The following UNC5C variants were observed in gnomAD, a reference collection of about 807,000 sequenced individuals.
UNC5C encodes the protein netrin receptor UNC5C.
Under a neutral mutation model 99.8 loss-of-function variants are expected in UNC5C, and 47 were observed. That is an observed-to-expected ratio of 0.47 (90% CI 0.37 to 0.60). The LOEUF (loss-of-function observed/expected upper bound fraction) is 0.60, where lower values mean the gene tolerates loss of function less well. Ranked by LOEUF, UNC5C falls within the 20% of genes least tolerant of loss-of-function variation. The probability of loss-of-function intolerance (pLI) is 0.00; values close to 1 mark genes in which losing one functional copy is unlikely to be tolerated. For synonymous variants in UNC5C, 487 were observed against 452.2 expected, an observed-to-expected ratio of 1.08 and a Z score of -0.98; for missense variants, 1,062 against 1,165.9, an observed-to-expected ratio of 0.91 and a Z score of 1.30.
At chr4:95,456,209 A>C (rs1747423246) in intron 1 of UNC5C, among the ~76,000 whole-genome samples, 1 of 152,138 alleles carries the variant, frequency 6.6e-6, no homozygotes, top group Admixed American at 6.6e-5. Flanking sequence ...CCGACTAAGA[A>C]AGTAAAATAA....
At chr4:95,271,384 C>A (rs1172401312) in intron 4 of UNC5C, among the ~76,000 whole-genome samples, 1 of 149,604 alleles carries the variant, frequency 6.7e-6, no homozygotes, top group East Asian at 1.9e-4. Context: ...CCCGCCACCA[C>A]GCCCGGCTAA....
intron 1 of UNC5C, among the ~76,000 whole-genome samples, chr4:95,458,941 G>A (rs1315925814): frequency 2.6e-5 from 4 of 151,920 alleles, no homozygotes; most frequent in African/African-American, 9.7e-5. Flanking sequence ...ATGAAGTATA[G>A]AATTATAATT....
intron 1 of UNC5C, among the ~76,000 whole-genome samples, chr4:95,470,712 C>T (rs1456910308): frequency 6.6e-6 from 1 of 152,024 alleles, no homozygotes. Flanking sequence ...ACTTAACAAG[C>T]ATTTATAACT....
chr4:95,305,472 T>C (rs1165066978), intron 2 of UNC5C, among the ~76,000 whole-genome samples: 2 of 152,174 alleles, frequency 1.3e-5, no homozygotes, highest in African/African-American at 2.4e-5. Context: ...GAATTTGAAA[T>C]GCCATCAGCA....
At chr4:95,265,026 A>G (rs1269461986) in intron 4 of UNC5C, among the ~76,000 whole-genome samples, 1 of 152,158 alleles carries the variant, frequency 6.6e-6, no homozygotes, top group East Asian at 1.9e-4. Context: ...GGAGCGCTTA[A>G]GCCATCCTGA....
chr4:95,373,303 C>T (rs999944923), intron 1 of UNC5C, among the ~76,000 whole-genome samples: 2 of 152,188 alleles, frequency 1.3e-5, no homozygotes, highest in African/African-American at 4.8e-5. Context: ...TGACCCTCTT[C>T]TTATTCTATT....
chr4:95,489,492 G>A (rs979903237), intron 1 of UNC5C, among the ~76,000 whole-genome samples: 1 of 151,700 alleles, frequency 6.6e-6, no homozygotes, highest in Non-Finnish European at 1.5e-5. Context: ...ATGGTAGAAA[G>A]TCACTGACCT....
At chr4:95,352,975 G>A (rs1230848990) in intron 1 of UNC5C, among the ~76,000 whole-genome samples, 1 of 152,068 alleles carries the variant, frequency 6.6e-6, no homozygotes. Flanking sequence ...ATGGCCCAAA[G>A]CTTATTTAAT....
At chr4:95,520,621 C>T (rs1362509866) in intron 1 of UNC5C, among the ~76,000 whole-genome samples, 5 of 132,180 alleles carry the variant, frequency 3.8e-5, no homozygotes, top group Admixed American at 8.2e-5. Context: ...TTTTTTGAGA[C>T]GGAGTCTCCC....
intron 1 of UNC5C, among the ~76,000 whole-genome samples, chr4:95,538,448 A>G (rs1048175090): frequency 6.6e-6 from 1 of 152,216 alleles, no homozygotes; most frequent in Non-Finnish European, 1.5e-5. Context: ...GTCCGCTGTT[A>G]TCTTTAAGAC....
intron 4 of UNC5C, among the ~76,000 whole-genome samples, chr4:95,254,524 A>G (rs182561064): frequency 6.6e-6 from 1 of 152,324 alleles, no homozygotes; most frequent in Admixed American, 6.5e-5. Context: ...GAGAAATACC[A>G]GTCTAGATCA....
At chr4:95,520,165 A>G (rs1578206418) in intron 1 of UNC5C, among the ~76,000 whole-genome samples, 2 of 152,218 alleles carry the variant, frequency 1.3e-5, no homozygotes, top group Admixed American at 1.3e-4. Context: ...CTAGGAAGAG[A>G]TCTCTAGATC....
intron 1 of UNC5C, among the ~76,000 whole-genome samples, chr4:95,424,713 C>T (rs947130161): frequency 3.3e-5 from 5 of 151,420 alleles, no homozygotes; most frequent in Non-Finnish European, 4.4e-5. Flanking sequence ...TTAGTAGAGA[C>T]CAGGTTTCAC....
intron 4 of UNC5C, 131 bp downstream of exon 4, chr4:95,278,128 G>T: frequency 2.8e-6 from 2 of 710,148 alleles, no homozygotes; most frequent in Non-Finnish European, 4.7e-6. Flanking sequence ...GCCAGCAGCA[G>T]GCAGTTAGGA....
chr4:95,180,414 A>G (rs1313890672), intron 14 of UNC5C, among the ~76,000 whole-genome samples: 1 of 152,232 alleles, frequency 6.6e-6, no homozygotes, highest in Non-Finnish European at 1.5e-5. Context: ...CTCTCTCTGC[A>G]CTTGTCTATG....
At position 95,301,685 on chromosome 4, in the gene UNC5C, A is replaced by C. The variant is rs139710821; in HGVS notation, c.411T>G (p.Pro137=). Residue 137 remains proline (P), a synonymous_variant, in exon 3 of 16, where the codon CCT becomes CCG. Coordinates refer to ENST00000453304, the MANE Select transcript of UNC5C (RefSeq NM_003728.4). The part of the protein sequence containing the change: ...SRQQVEELFG[P]EDYWCQCVAW... ...CCACACACTGGCACCAGTAATCTTC[A>C]GGTCCAAAGAGTTCTTCCACTTGCT... is the stretch of plus-strand genomic sequence containing the variant. The C allele has an allele frequency of 9.5e-5, 154 of 1,613,542 alleles. No homozygotes were observed. The highest frequency in any genetic ancestry group is 1.3e-4 in the Non-Finnish European group (149 of 1,180,040).
At chr4:95,336,722 T>G (rs1743363944) in intron 1 of UNC5C, among the ~76,000 whole-genome samples, 1 of 151,916 alleles carries the variant, frequency 6.6e-6, no homozygotes, top group Non-Finnish European at 1.5e-5. Context: ...CAGTAAAAAT[T>G]GACTTCACTT....
At chr4:95,440,163 G>A (rs1560833315) in intron 1 of UNC5C, among the ~76,000 whole-genome samples, 1 of 152,146 alleles carries the variant, frequency 6.6e-6, no homozygotes, top group Non-Finnish European at 1.5e-5. Flanking sequence ...TCACAGAGAG[G>A]CTATTGTTCT....
At chr4:95,244,287 T>C (rs1739424931) in intron 6 of UNC5C, among the ~76,000 whole-genome samples, 1 of 152,222 alleles carries the variant, frequency 6.6e-6, no homozygotes, top group African/African-American at 2.4e-5. Flanking sequence ...TGTTTTTGCT[T>C]TTGGCAAATA....
Sources: allele counts gnomAD v4.1 joint callset (sites outside exome capture counted in the v4.1 genomes callset), GRCh38; gene constraint gnomAD v4.1.1; transcripts MANE v1.5; gene names NCBI Gene and HGNC (gene_info 2026-07-23, HGNC 2026-07-21).